Variants in LMX1A observed in about 807,000 individuals in gnomAD.
LMX1A encodes the protein LIM homeobox transcription factor 1-alpha.
Under a neutral mutation model 49.1 loss-of-function variants are expected in LMX1A, and 15 were observed. The ratio of observed to expected loss-of-function variants is 0.31; its 90% CI spans 0.20 to 0.47. The LOEUF is 0.47. Among genes scored for constraint, LMX1A ranks in the 20% least tolerant of loss-of-function variants. LMX1A has a pLI of 1.00. For missense variants in LMX1A, 372 were observed against 475.8 expected, an observed-to-expected ratio of 0.78 and a Z score of 2.03; for synonymous variants, 167 against 185.7, an observed-to-expected ratio of 0.90 and a Z score of 0.82.
intron 3 of LMX1A, among the ~76,000 whole-genome samples, chr1:165,314,267 A>AG (rs1054497179): frequency 1.3e-5 from 2 of 152,232 alleles, no homozygotes; most frequent in Admixed American, 6.5e-5. Context: ...AGCATGGCAA[A>AG]GGGGGCCTAA....
At chr1:165,261,437 T>C (rs914177398) in intron 3 of LMX1A, among the ~76,000 whole-genome samples, 1 of 152,102 alleles carries the variant, frequency 6.6e-6, no homozygotes, top group Non-Finnish European at 1.5e-5. Flanking sequence ...GCATTGTTAG[T>C]GGGAATGTAA....
chr1:165,353,256 G>C lies in LMX1A; in HGVS notation c.83C>G (p.Ala28Gly). ...CTCGCAGACAGACTTGGGGCTCACC[G>C]CTCTGCCTGTAGCCACAACAGACGT... is the stretch of plus-strand genomic sequence containing the variant. Reference protein sequence around the residue: ...SASFSSLLGRAVSPKSVCEGC... With the variant: ...SASFSSLLGRGVSPKSVCEGC... The change falls in exon 3 of 9, where the codon GCG becomes GGG. Residue 28 changes from alanine to glycine, a missense_variant. Physicochemically the swap from Ala to Gly is moderately conservative, Grantham distance 60 (BLOSUM62 0). Coordinates refer to ENST00000342310, the MANE Select transcript of LMX1A (RefSeq NM_177398.4). 1 of 1,609,922 alleles carries C rather than the reference G, an allele frequency of 6.2e-7. No homozygotes were observed. The highest frequency in any genetic ancestry group is 8.5e-7 in the Non-Finnish European group (1 of 1,179,708).
intron 3 of LMX1A, among the ~76,000 whole-genome samples, chr1:165,283,403 G>A (rs1654209845): frequency 1.3e-5 from 2 of 152,162 alleles, no homozygotes; most frequent in Non-Finnish European, 2.9e-5. Flanking sequence ...AGTAACACAT[G>A]ACTGTATGTC....
intron 3 of LMX1A, among the ~76,000 whole-genome samples, chr1:165,333,739 CAT>C (rs1655818142): frequency 1.3e-5 from 2 of 152,144 alleles, no homozygotes; most frequent in South Asian, 2.1e-4. Context: ...TACACACACA[CAT>C]GCATACACAC....
At chr1:165,343,865 A>G (rs1656157018) in intron 3 of LMX1A, among the ~76,000 whole-genome samples, 1 of 152,198 alleles carries the variant, frequency 6.6e-6, no homozygotes, top group East Asian at 1.9e-4. Context: ...CTACCCTAAG[A>G]TAGTCATTCC....
intron 3 of LMX1A, among the ~76,000 whole-genome samples, chr1:165,309,395 G>C (rs756670212): frequency 3.3e-5 from 5 of 152,230 alleles, no homozygotes; most frequent in Non-Finnish European, 5.9e-5. Flanking sequence ...AAGTCCTGGT[G>C]GGGGGCTGGA....
chr1:165,312,269 C>T (rs550247946), intron 3 of LMX1A, among the ~76,000 whole-genome samples: 1 of 152,300 alleles, frequency 6.6e-6, no homozygotes, highest in Non-Finnish European at 1.5e-5. Flanking sequence ...AGGCACAGTA[C>T]AGTCTGGGAA....
Position 165,294,984 on chromosome 1 carries a change from C to T in LMX1A, c.264-45344G>A, listed in dbSNP as rs540035539. ...ATCTCAAAAGAAAAAAAAAATCACA[C>T]GCACATAACATTTGCATGCAATTAT... On this transcript the variant is annotated intron_variant, in intron 3 of 8. Coordinates refer to ENST00000342310, the MANE Select transcript of LMX1A (RefSeq NM_177398.4). Among the ~76,000 whole-genome samples the T allele has an allele frequency of 9.2e-5, 14 of 152,182 alleles. No homozygotes were observed. In the East Asian group the frequency reaches 1.2e-3, roughly 13 times the overall value.
intron 3 of LMX1A, among the ~76,000 whole-genome samples, chr1:165,284,459 G>T (rs1365711044): frequency 6.6e-6 from 1 of 152,284 alleles, no homozygotes; most frequent in Admixed American, 6.5e-5. Context: ...AACACTGAAC[G>T]CTCATTCTGG....
At chr1:165,233,247 G>A (rs372421806) in intron 4 of LMX1A, among the ~76,000 whole-genome samples, 3 of 152,146 alleles carry the variant, frequency 2.0e-5, no homozygotes, top group African/African-American at 7.2e-5. Flanking sequence ...TTGAGCCTAC[G>A]CATTCAAGAC....
chr1:165,307,733 A>G (rs1654960063), intron 3 of LMX1A, among the ~76,000 whole-genome samples: 1 of 152,216 alleles, frequency 6.6e-6, no homozygotes, highest in African/African-American at 2.4e-5. Flanking sequence ...ACCTCCAGGG[A>G]ATTTTCATCC....
intron 4 of LMX1A, among the ~76,000 whole-genome samples, chr1:165,226,828 A>C (rs1354133164): frequency 6.6e-6 from 1 of 152,216 alleles, no homozygotes; most frequent in East Asian, 1.9e-4. Context: ...TTCAGGGATA[A>C]ATATTTTTTA....
At chr1:165,234,643 A>G (rs1027929369) in intron 4 of LMX1A, among the ~76,000 whole-genome samples, 1 of 152,158 alleles carries the variant, frequency 6.6e-6, no homozygotes, top group Non-Finnish European at 1.5e-5. Context: ...TCAATCAGAG[A>G]GTAAGGAATA....
At chr1:165,235,451 G>A (rs1051479627) in intron 4 of LMX1A, among the ~76,000 whole-genome samples, 1 of 152,100 alleles carries the variant, frequency 6.6e-6, no homozygotes, top group African/African-American at 2.4e-5. Flanking sequence ...TAAATCCCCA[G>A]CACCTGCCTC....
At chr1:165,325,796 G>C (rs1184936762) in intron 3 of LMX1A, among the ~76,000 whole-genome samples, 1 of 152,164 alleles carries the variant, frequency 6.6e-6, no homozygotes. Flanking sequence ...AGCCAGGAGA[G>C]TTAATAAACC....
In LMX1A at chr1:165,256,327, C is replaced by T. The variant is rs1653242372; in HGVS notation, c.264-6687G>A. 2.6e-5 allele frequency among the ~76,000 whole-genome samples: 4 copies of T among 152,092 alleles called. No individual in the cohort carries two copies. In the South Asian group the frequency reaches 6.2e-4, roughly 24 times the overall value. On this transcript the variant is annotated intron_variant, in intron 3 of 8. Transcript: ENST00000342310. ...GGACCTCAGAAAAGCCACCACCTTTCCCTGAATCTTGGTTATCTTATCATC... is the reference window on the plus strand; with the variant it reads ...GGACCTCAGAAAAGCCACCACCTTTTCCTGAATCTTGGTTATCTTATCATC...
intron 4 of LMX1A, among the ~76,000 whole-genome samples, chr1:165,245,697 A>G (rs1040892685): frequency 6.6e-6 from 1 of 151,902 alleles, no homozygotes; most frequent in African/African-American, 2.4e-5. Context: ...TTAATGCAGC[A>G]TGTCTTTTTG....
Position 165,210,691 on chromosome 1 carries a change from CA to C in LMX1A, c.747+7del, listed in dbSNP as rs755622841. Reference sequence around the variant, plus strand: ...CATGGGGACAGATAAAAGTAAGAAGCAGGTTACCTTCGCTCTCTGGTTTTGG... The same window carrying C: ...CATGGGGACAGATAAAAGTAAGAAGCGGTTACCTTCGCTCTCTGGTTTTGG... On this transcript the variant is annotated splice_region_variant and intron_variant, in intron 6 of 8. Coordinates refer to ENST00000342310, the MANE Select transcript of LMX1A (RefSeq NM_177398.4). 6.8e-6 allele frequency: 11 copies of C among 1,605,898 alleles called. No individual in the cohort carries two copies. Among genetic ancestry groups the C allele is most frequent in the Middle Eastern group, 1.6e-4 (1 of 6,064 alleles).
intron 3 of LMX1A, among the ~76,000 whole-genome samples, chr1:165,337,826 T>G (rs1002483883): frequency 1.3e-5 from 2 of 151,012 alleles, no homozygotes; most frequent in African/African-American, 4.9e-5. Flanking sequence ...TGACCCAACA[T>G]AGGCATATCC....
Sources: gnomAD v4.1 joint callset for allele counts (sites outside exome capture counted in the v4.1 genomes callset) on GRCh38, gnomAD v4.1.1 for gene constraint, MANE v1.5 for transcripts, NCBI Gene and HGNC (gene_info 2026-07-23, HGNC 2026-07-21) for gene names.